The following PEPD variants were observed in gnomAD, a reference collection of about 807,000 sequenced individuals.
The protein encoded by PEPD is peptidase D.
In PEPD, 53 loss-of-function variants were observed where a neutral mutation model predicts 60.7. The ratio of observed to expected loss-of-function variants is 0.87; its 90% CI spans 0.70 to 1.10. The LOEUF is 1.10. Among genes scored for constraint, PEPD ranks in the 50% least tolerant of loss-of-function variants. PEPD has a pLI of 0.00. For missense variants in PEPD, 711 were observed against 711.9 expected, an observed-to-expected ratio of 1.00 and a Z score of 0.01; for synonymous variants, 267 against 284.1, an observed-to-expected ratio of 0.94 and a Z score of 0.60.
chr19:33,419,827 G>C (rs1968973816), intron 9 of PEPD, among the ~76,000 whole-genome samples: 2 of 151,932 alleles, frequency 1.3e-5, no homozygotes, highest in African/African-American at 4.8e-5. Flanking sequence ...AGGAGCCCCA[G>C]GCCAGCCGGT....
chr19:33,388,083 T>C lies in PEPD; in HGVS notation c.1153-2A>G. 5 of 1,546,134 alleles carry C rather than the reference T, an allele frequency of 3.2e-6. No homozygotes were observed. The highest frequency in any genetic ancestry group is 4.4e-6 in the Non-Finnish European group (5 of 1,146,870). On this transcript the variant is annotated splice_acceptor_variant, in intron 13 of 14. Coordinates refer to ENST00000244137, the MANE Select transcript of PEPD (RefSeq NM_000285.4). LOFTEE classifies it high-confidence loss of function. ...GGGCTCGTCGATGCGCTCCACGCCCTGTGGGGAACAGAGGTGAGGGGCCTG... is the reference window on the plus strand; with the variant it reads ...GGGCTCGTCGATGCGCTCCACGCCCCGTGGGGAACAGAGGTGAGGGGCCTG...
chr19:33,450,150 G>A (rs959686664), intron 9 of PEPD, among the ~76,000 whole-genome samples: 2 of 152,218 alleles, frequency 1.3e-5, no homozygotes, highest in Non-Finnish European at 1.5e-5. Flanking sequence ...GAACACACCC[G>A]ATGTGAACTT....
intron 9 of PEPD, among the ~76,000 whole-genome samples, chr19:33,436,745 G>A (rs1302490813): frequency 6.6e-6 from 1 of 152,258 alleles, no homozygotes; most frequent in Non-Finnish European, 1.5e-5. Flanking sequence ...GCCCACCCCT[G>A]CCTTCCGGGA....
intron 3 of PEPD, among the ~76,000 whole-genome samples, chr19:33,503,068 C>T (rs2145338355): frequency 6.6e-6 from 1 of 152,100 alleles, no homozygotes; most frequent in Admixed American, 6.5e-5. Context: ...AGCTCCTGAA[C>T]TGGTGTCCTA....
intron 7 of PEPD, among the ~76,000 whole-genome samples, chr19:33,469,678 G>A (rs553347300): frequency 2.0e-5 from 3 of 152,166 alleles, no homozygotes; most frequent in Non-Finnish European, 2.9e-5. Flanking sequence ...CATGGCCACC[G>A]AAACAGCTTC....
chr19:33,407,264 G>A (rs1157741285), intron 11 of PEPD, among the ~76,000 whole-genome samples: 1 of 152,240 alleles, frequency 6.6e-6, no homozygotes, highest in Non-Finnish European at 1.5e-5. Context: ...AGGACCTGGG[G>A]CGGCCTCAGG....
chr19:33,461,085 G>A (rs1204294413), intron 9 of PEPD, among the ~76,000 whole-genome samples: 2 of 152,194 alleles, frequency 1.3e-5, no homozygotes, highest in Non-Finnish European at 2.9e-5. Context: ...GTTACGGTTC[G>A]TTTGTGATAA....
At chr19:33,455,831 T>G (rs553267313) in intron 9 of PEPD, among the ~76,000 whole-genome samples, 1 of 152,222 alleles carries the variant, frequency 6.6e-6, no homozygotes, top group East Asian at 1.9e-4. Flanking sequence ...ATATCAGGTT[T>G]AATGGTGAAA....
chr19:33,411,136 G>A (rs1484942991), intron 11 of PEPD, among the ~76,000 whole-genome samples: 2 of 152,200 alleles, frequency 1.3e-5, no homozygotes, highest in African/African-American at 4.8e-5. Context: ...TGTGAGCACG[G>A]CACATCGTGC....
At chr19:33,459,805 G>C (rs890097658) in intron 9 of PEPD, among the ~76,000 whole-genome samples, 5 of 152,046 alleles carry the variant, frequency 3.3e-5, no homozygotes, top group African/African-American at 9.7e-5. Flanking sequence ...GTCCACCTTC[G>C]AGAAAACCAG....
At chr19:33,460,211 C>A (rs571700067) in intron 9 of PEPD, among the ~76,000 whole-genome samples, 1 of 152,310 alleles carries the variant, frequency 6.6e-6, no homozygotes, top group South Asian at 2.1e-4. Context: ...CTCTTTTCCA[C>A]CCACATACAT....
At chr19:33,484,853 G>A (rs1474395118) in intron 6 of PEPD, among the ~76,000 whole-genome samples, 4 of 152,188 alleles carry the variant, frequency 2.6e-5, no homozygotes, top group African/African-American at 9.7e-5. Flanking sequence ...TTAACAGGTT[G>A]AACCCTGGGT....
At chr19:33,413,264 G>A (rs775594410) in intron 10 of PEPD, among the ~76,000 whole-genome samples, 25 of 152,232 alleles carry the variant, frequency 1.6e-4, no homozygotes, top group Non-Finnish European at 3.1e-4. Context: ...CCGTGTGGAG[G>A]AGTGGCCTTC....
chr19:33,457,270 A>G (rs1468074870), intron 9 of PEPD, among the ~76,000 whole-genome samples: 1 of 152,076 alleles, frequency 6.6e-6, no homozygotes, highest in African/African-American at 2.4e-5. Context: ...TATCTCTACG[A>G]AAAATAAAAA....
chr19:33,455,678 A>AT (rs34754945), intron 9 of PEPD, among the ~76,000 whole-genome samples: 57,853 of 134,512 alleles, frequency 0.43, 12,738 homozygotes, highest in Admixed American at 0.56. Flanking sequence ...AATTAAAAAC[A>AT]TTTTTTTTTT....
At chr19:33,388,567 C>T (rs575051111) in intron 13 of PEPD, 5 of 262,134 alleles carry the variant, frequency 1.9e-5, no homozygotes, top group Admixed American at 4.3e-5. Context: ...TCCCCTAGGC[C>T]GAGGCCCAGA....
intron 3 of PEPD, among the ~76,000 whole-genome samples, chr19:33,502,627 T>C (rs970471936): frequency 1.3e-5 from 2 of 152,066 alleles, no homozygotes; most frequent in Non-Finnish European, 2.9e-5. Flanking sequence ...CTCTGATTGG[T>C]TGCAGAAGTG....
At chr19:33,480,165 G>A (rs966866189) in intron 6 of PEPD, among the ~76,000 whole-genome samples, 3 of 152,092 alleles carry the variant, frequency 2.0e-5, no homozygotes, top group Non-Finnish European at 2.9e-5. Context: ...ACACACTTTA[G>A]ATTCAAAGAC....
At chr19:33,402,460 C>G (rs1459910660) in intron 11 of PEPD, among the ~76,000 whole-genome samples, 2 of 152,224 alleles carry the variant, frequency 1.3e-5, no homozygotes, top group Non-Finnish European at 2.9e-5. Context: ...GGCAGACACT[C>G]AGTCGGCGGC....
Sources: allele counts gnomAD v4.1 joint callset (sites outside exome capture counted in the v4.1 genomes callset), GRCh38; gene constraint gnomAD v4.1.1; transcripts MANE v1.5; gene names NCBI Gene and HGNC (gene_info 2026-07-23, HGNC 2026-07-21).